Variants in CTNND1 observed in about 807,000 individuals in gnomAD.
The protein encoded by CTNND1 is catenin delta-1.
CTNND1 carries 16 observed loss-of-function variants against 112.1 expected under a neutral mutation model. The observed-to-expected ratio is 0.14, with a 90% CI of 0.10 to 0.22. The LOEUF is 0.22. Ranked by LOEUF, CTNND1 falls within the 10% of genes least tolerant of loss-of-function variation. CTNND1 has a pLI of 1.00. For missense variants in CTNND1, 1,008 were observed against 1,257.0 expected (o/e 0.80, Z 3.00); for synonymous variants, 420 against 446.5 (o/e 0.94, Z 0.75).
rs2060754722 is a variant in CTNND1 at position 57,791,611 on chromosome 11, C to T, written c.133C>T (p.Arg45Trp). The T allele has an allele frequency of 1.9e-6, 3 of 1,607,764 alleles. No homozygotes were observed. Among genetic ancestry groups the T allele is most frequent in the Non-Finnish European group, 2.5e-6 (3 of 1,177,140 alleles). Residue 45 changes from arginine to tryptophan, a missense_variant, in exon 3 of 21, where the codon CGG (arginine) becomes TGG (tryptophan). Transcript: ENST00000399050. Reference sequence around the variant, plus strand: ...CGTCTCGGCGCAGCTGGAACGCGTCCGGGTCTCACCACAAGATGCCAACCC... The same window carrying T: ...CGTCTCGGCGCAGCTGGAACGCGTCTGGGTCTCACCACAAGATGCCAACCC... The part of the protein sequence containing the change: ...RHVSAQLERV[R>W]VSPQDANPLM...
Position 57,766,144 on chromosome 11 carries a change from G to T in CTNND1, c.-214+4025G>T, listed in dbSNP as rs140241980. 5.7e-3 allele frequency among the ~76,000 whole-genome samples: 869 copies of T among 152,178 alleles called. 15 individuals carry two copies. The highest frequency in any genetic ancestry group is 0.031 in the Admixed American group (473 of 15,278). On this transcript the variant is annotated intron_variant, in intron 1 of 20. Transcript: ENST00000399050. ...AAATAAATAAATAATAAGTATCCTA[G>T]TCCGTTCATTTCATAATGAACTTCA...
chr11:57,798,434 C>T (rs143403138), intron 6 of CTNND1, among the ~76,000 whole-genome samples: 36 of 151,648 alleles, frequency 2.4e-4, no homozygotes, highest in African/African-American at 8.0e-4. Flanking sequence ...CAGTTGAGGA[C>T]GTGTATAAGA....
rs966527270 is a variant in CTNND1 at position 57,761,915 on chromosome 11, G to C, written c.-418G>C. On this transcript the variant is annotated 5_prime_UTR_variant, in exon 1 of 21. Transcript: ENST00000399050. Reference sequence around the variant, plus strand: ...GAGAGGGAGAGAGAGAGAAAGAAGAGCAGGAAAGATCCCGAAAGGAGGAAG... The same window carrying C: ...GAGAGGGAGAGAGAGAGAAAGAAGACCAGGAAAGATCCCGAAAGGAGGAAG... 2.0e-6 allele frequency: 2 copies of C among 985,302 alleles called. No homozygotes were observed. Among genetic ancestry groups the C allele is most frequent in the African/African-American group, 3.5e-5 (2 of 57,246 alleles). 61.0% of individuals were successfully genotyped at this position (985,302 alleles called of 1,614,324 possible).
chr11:57,785,076 C>A (rs556180134), intron 1 of CTNND1, among the ~76,000 whole-genome samples: 9 of 152,190 alleles, frequency 5.9e-5, no homozygotes, highest in African/African-American at 2.2e-4. Context: ...GTCTTTTGAC[C>A]CCTAATCTGG....
intron 6 of CTNND1, among the ~76,000 whole-genome samples, chr11:57,801,023 T>G (rs1005260945): frequency 6.6e-6 from 1 of 152,196 alleles, no homozygotes; most frequent in Non-Finnish European, 1.5e-5. Flanking sequence ...TCTTTAGAAA[T>G]TGGAGGATGG....
At chr11:57,810,348 A>G in intron 16 of CTNND1, 125 bp downstream of exon 16, 1 of 616,300 alleles carries the variant, frequency 1.6e-6, no homozygotes, top group Middle Eastern at 4.3e-4. Context: ...TCTTTTTCGG[A>G]GACAGAGTCT....
intron 18 of CTNND1, among the ~76,000 whole-genome samples, chr11:57,814,824 T>C (rs1565384681): frequency 6.6e-6 from 1 of 152,174 alleles, no homozygotes; most frequent in Non-Finnish European, 1.5e-5. Context: ...TCAAGTCCTG[T>C]TTTCCCTTGT....
At chr11:57,802,447 A>C (rs1308834040) in intron 7 of CTNND1, among the ~76,000 whole-genome samples, 1 of 152,212 alleles carries the variant, frequency 6.6e-6, no homozygotes, top group Non-Finnish European at 1.5e-5. Flanking sequence ...AAAACGTGGA[A>C]GAGTTGTTAA....
Position 57,806,922 on chromosome 11 carries a change from A to C in CTNND1, c.1902A>C (p.Lys634Asn). The C allele has an allele frequency of 6.3e-7, 1 of 1,596,792 alleles. No individual in the cohort carries two copies. The highest frequency in any genetic ancestry group is 8.5e-7 in the Non-Finnish European group (1 of 1,171,354). The change falls in exon 12 of 21, where the codon AAA becomes AAC. Residue 634 changes from lysine (K) to asparagine (N), a missense_variant. Physicochemically the swap from Lys to Asn is moderately conservative, Grantham distance 94 (BLOSUM62 0). Coordinates refer to ENST00000399050, the MANE Select transcript of CTNND1 (RefSeq NM_001085458.2). ...GKDEWFSRGK[K>N]PIEDPANDTV... Reference sequence around the variant, plus strand: ...CCTTTTTCATTTTTGTAGGGAAAAAACCTATAGAGGATCCAGCAAACGATA... The same window carrying C: ...CCTTTTTCATTTTTGTAGGGAAAAACCCTATAGAGGATCCAGCAAACGATA...
At chr11:57,806,331 T>C in intron 10 of CTNND1, 130 bp from the exon 11 acceptor site, 1 of 947,274 alleles carries the variant, frequency 1.1e-6, no homozygotes. Flanking sequence ...TCCTTTGCAT[T>C]TTCTGTGTTT....
Position 57,804,695 on chromosome 11 carries a change from G to A in CTNND1, c.1637G>A (p.Arg546Gln), listed in dbSNP as rs552330982. ...AGCTCAGAGAGGAGTGAAGCTCGCC[G>A]GAAACTTCGGGAATGTGATGGTTTA... ...NVSSERSEAR[R>Q]KLRECDGLVD... The change falls in exon 9 of 21, where the codon CGG (arginine) becomes CAG (glutamine). Residue 546 changes from arginine to glutamine, a missense_variant. Transcript: ENST00000399050. 17 of 1,613,796 alleles carry A rather than the reference G, an allele frequency of 1.1e-5. No homozygotes were observed. The highest frequency in any genetic ancestry group is 1.2e-5 in the Non-Finnish European group (14 of 1,179,790).
intron 1 of CTNND1, among the ~76,000 whole-genome samples, chr11:57,780,179 G>A (rs1227467328): frequency 6.7e-6 from 1 of 149,990 alleles, no homozygotes; most frequent in Non-Finnish European, 1.5e-5. Flanking sequence ...TCAGCCTCCC[G>A]AGTAGCTGGA....
rs777401687 is a variant in CTNND1 at position 57,810,167 on chromosome 11, T to C, written c.2494T>C (p.Tyr832His). The change falls in exon 16 of 21, where the codon TAT (tyrosine) becomes CAT (histidine). Residue 832 changes from tyrosine (Y) to histidine (H), a missense_variant. This residue lies in a region of CTNND1 where 28 missense variants were observed against 60.6 expected (regional missense o/e 0.46). Transcript: ENST00000399050. ...ACTTGTATTACAGACAATCTGGGGA[T>C]ATAAGGAACTGCGGAAGCCACTGGA... ...AALVLQTIWG[Y>H]KELRKPLEKE... 3 of 1,613,090 alleles carry C rather than the reference T, an allele frequency of 1.9e-6. No individual in the cohort carries two copies. Among genetic ancestry groups the C allele is most frequent in the South Asian group, 1.1e-5 (1 of 90,984 alleles).
At chr11:57,771,029 G>A (rs895660488) in intron 1 of CTNND1, among the ~76,000 whole-genome samples, 26 of 151,956 alleles carry the variant, frequency 1.7e-4, no homozygotes, top group African/African-American at 6.0e-4. Flanking sequence ...GATGTCTACC[G>A]TGCTGAAGGT....
chr11:57,783,054 G>A (rs546669361), intron 1 of CTNND1, among the ~76,000 whole-genome samples: 1 of 152,266 alleles, frequency 6.6e-6, no homozygotes, highest in African/African-American at 2.4e-5. Context: ...GGGAGGCCAA[G>A]GCTGGTGGGT....
chr11:57,804,732 C>T lies in CTNND1; in HGVS notation c.1674C>T (p.Leu558=). ...LRECDGLVDA[L]IFIVQAEIGQ... is the part of the protein sequence containing the mutation. ...AATGTGATGGTTTAGTTGATGCCCTCATTTTCATTGTTCAGGCTGAGATTG... is the reference window on the plus strand; with the variant it reads ...AATGTGATGGTTTAGTTGATGCCCTTATTTTCATTGTTCAGGCTGAGATTG... The change falls in exon 9 of 21, where the codon CTC becomes CTT. Residue 558 remains leucine (L), a synonymous_variant. Coordinates refer to ENST00000399050, the MANE Select transcript of CTNND1 (RefSeq NM_001085458.2). 6.2e-7 allele frequency: 1 copy of T among 1,613,936 alleles called. No homozygotes were observed. Among genetic ancestry groups the T allele is most frequent in the Non-Finnish European group, 8.5e-7 (1 of 1,179,836 alleles).
intron 6 of CTNND1, among the ~76,000 whole-genome samples, chr11:57,799,217 G>A (rs1189264000): frequency 1.3e-5 from 2 of 152,198 alleles, no homozygotes; most frequent in Non-Finnish European, 2.9e-5. Flanking sequence ...ACCAGACCTC[G>A]GCTGGTGCAA....
Position 57,801,734 on chromosome 11 carries a change from A to G in CTNND1, c.958A>G (p.Ser320Gly). The G allele has an allele frequency of 1.9e-6, 3 of 1,607,798 alleles. No individual in the cohort carries two copies. Among genetic ancestry groups the G allele is most frequent in the Non-Finnish European group, 1.7e-6 (2 of 1,175,652 alleles). Reference protein sequence around the residue: ...TPSDPRRRLRSYEDMIGEEVP... With the variant: ...TPSDPRRRLRGYEDMIGEEVP... ...CTTGGTTCTTCCAAAACTTCTCAGG[A>G]GCTATGAAGACATGATTGGTGAGGA... The change falls in exon 7 of 21, where the codon AGC becomes GGC. Residue 320 changes from serine to glycine, a missense_variant and splice_region_variant. Physicochemically the swap from Ser to Gly is moderately conservative, Grantham distance 56. This residue lies in a region of CTNND1 where 404 missense variants were observed against 457.9 expected (regional missense o/e 0.88). Coordinates refer to ENST00000399050, the MANE Select transcript of CTNND1 (RefSeq NM_001085458.2).
chr11:57,762,780 A>G (rs1391058372), intron 1 of CTNND1, among the ~76,000 whole-genome samples: 4 of 152,206 alleles, frequency 2.6e-5, no homozygotes, highest in Admixed American at 1.3e-4. Flanking sequence ...TCTTCCTTCT[A>G]AACTACCTTT....
Sources: allele counts gnomAD v4.1 joint callset (sites outside exome capture counted in the v4.1 genomes callset), GRCh38; gene constraint gnomAD v4.1.1; regional missense constraint gnomAD v4.1.1; transcripts MANE v1.5; gene names NCBI Gene and HGNC (gene_info 2026-07-23, HGNC 2026-07-21).